The following LOC400499 variants were observed in gnomAD, a reference collection of about 807,000 sequenced individuals.
the LOC400499 span, among the ~76,000 whole-genome samples, chr16:11,500,016 A>G: frequency 6.6e-6 from 1 of 152,174 alleles, no homozygotes; most frequent in African/African-American, 2.4e-5. Flanking sequence ...ACCTCCACAT[A>G]TCGTAGAAAT....
chr16:11,383,662 A>G, the LOC400499 span: 3 of 1,232,164 alleles, frequency 2.4e-6, no homozygotes, highest in African/African-American at 1.6e-5. Context: ...AGGAGGGGCC[A>G]GGGGTACGAA....
the LOC400499 span, among the ~76,000 whole-genome samples, chr16:11,409,710 C>T: frequency 2.0e-5 from 3 of 152,126 alleles, no homozygotes; most frequent in African/African-American, 2.4e-5. Flanking sequence ...ATTAATTCAA[C>T]GTTCAGTTTC....
the LOC400499 span, chr16:11,435,910 G>T: frequency 3.5e-5 from 14 of 399,180 alleles, no homozygotes; most frequent in African/African-American, 2.7e-4. Flanking sequence ...GACAGGAAGG[G>T]TCTATGGGAT....
the LOC400499 span, among the ~76,000 whole-genome samples, chr16:11,383,227 G>T: frequency 6.6e-6 from 1 of 151,726 alleles, no homozygotes; most frequent in Non-Finnish European, 1.5e-5. Context: ...AACCATGCCC[G>T]GCTAATTTTT....
chr16:11,489,526 G>A, the LOC400499 span, among the ~76,000 whole-genome samples: 1 of 152,172 alleles, frequency 6.6e-6, no homozygotes, highest in African/African-American at 2.4e-5. Context: ...GTCCTACAGG[G>A]AGCCCCCAAC....
At chr16:11,500,798 A>T in the LOC400499 span, 1 of 398,862 alleles carries the variant, frequency 2.5e-6, no homozygotes, top group African/African-American at 2.1e-5. Flanking sequence ...GGGTGCAGGG[A>T]CTCACCAGCA....
the LOC400499 span, among the ~76,000 whole-genome samples, chr16:11,517,369 C>T: frequency 6.6e-6 from 1 of 152,212 alleles, no homozygotes; most frequent in Non-Finnish European, 1.5e-5. Context: ...TCTACCTCTT[C>T]TCCTAATGTC....
chr16:11,375,731 C>CTTTTTTT, the LOC400499 span, among the ~76,000 whole-genome samples: 1 of 96,538 alleles, frequency 1.0e-5, no homozygotes, highest in African/African-American at 3.5e-5. Flanking sequence ...GTCCTTTGTA[C>CTTTTTTT]ATTTTTTTTT....
the LOC400499 span, among the ~76,000 whole-genome samples, chr16:11,514,993 C>T: frequency 1.3e-5 from 2 of 151,422 alleles, no homozygotes; most frequent in African/African-American, 2.4e-5. Flanking sequence ...GAGACAGAGG[C>T]GGGGAGGAGG....
At chr16:11,459,937 T>C in the LOC400499 span, 2 of 1,500,306 alleles carry the variant, frequency 1.3e-6, no homozygotes, top group Admixed American at 2.1e-5. Flanking sequence ...GAGTCATTCT[T>C]GAAGGTCTGG....
chr16:11,493,206 T>C, the LOC400499 span, among the ~76,000 whole-genome samples: 1 of 152,176 alleles, frequency 6.6e-6, no homozygotes, highest in Non-Finnish European at 1.5e-5. Context: ...AAACTTTTTC[T>C]GTAAAGGGAC....
At chr16:11,408,175 G>A in the LOC400499 span, among the ~76,000 whole-genome samples, 5 of 151,962 alleles carry the variant, frequency 3.3e-5, no homozygotes, top group African/African-American at 1.2e-4. Flanking sequence ...TAGAGATGGG[G>A]TTTCGCCATG....
At chr16:11,383,813 A>C in the LOC400499 span, 6 of 1,232,260 alleles carry the variant, frequency 4.9e-6, no homozygotes, top group Non-Finnish European at 5.1e-6. Flanking sequence ...GTCACTGTCC[A>C]CACCCTGAGG....
At chr16:11,475,161 T>C in the LOC400499 span, among the ~76,000 whole-genome samples, 1 of 152,008 alleles carries the variant, frequency 6.6e-6, no homozygotes, top group Non-Finnish European at 1.5e-5. Context: ...CCAGCCCGCT[T>C]TTCCCCTTTA....
chr16:11,404,896 AC>A, the LOC400499 span: 1 of 398,720 alleles, frequency 2.5e-6, no homozygotes. Context: ...TCATGGGGGA[AC>A]CCGACCCATG....
chr16:11,388,552 G>T, the LOC400499 span, among the ~76,000 whole-genome samples: 17 of 152,282 alleles, frequency 1.1e-4, 1 homozygote, highest in South Asian at 3.1e-3. Flanking sequence ...GTGCCTGTGA[G>T]GGGGAGGATA....
the LOC400499 span, among the ~76,000 whole-genome samples, chr16:11,506,984 A>T: frequency 1.3e-5 from 2 of 152,286 alleles, no homozygotes; most frequent in African/African-American, 4.8e-5. Flanking sequence ...CCACGGTGGC[A>T]GTAACTTCCT....
chr16:11,421,078 G>A, the LOC400499 span, among the ~76,000 whole-genome samples: 1 of 152,152 alleles, frequency 6.6e-6, no homozygotes, highest in Non-Finnish European at 1.5e-5. Flanking sequence ...GGCCTCTGCT[G>A]GTGTCACCGC....
chr16:11,494,194 G>A, the LOC400499 span, among the ~76,000 whole-genome samples: 1 of 140,550 alleles, frequency 7.1e-6, no homozygotes, highest in Non-Finnish European at 1.6e-5. Context: ...GGTGTGGGGG[G>A]TGGGCTGTGA....
Sources: allele counts gnomAD v4.1 joint callset (sites outside exome capture counted in the v4.1 genomes callset), GRCh38; gene constraint gnomAD v4.1.1; transcripts MANE v1.5.